Variants in DPH6 observed in about 807,000 individuals in gnomAD.
The protein encoded by DPH6 is diphthine--ammonia ligase.
DPH6 carries 33 observed loss-of-function variants against 38.2 expected under a neutral mutation model. The ratio of observed to expected loss-of-function variants is 0.86; its 90% CI spans 0.65 to 1.15. The LOEUF (loss-of-function observed/expected upper bound fraction) is 1.15, where lower values mean the gene tolerates loss of function less well. DPH6 is among the 50% of genes most tolerant of loss of function. The pLI, the probability that DPH6 is intolerant of heterozygous loss-of-function variation, is 0.00. For missense variants in DPH6, 325 were observed against 320.0 expected, an observed-to-expected ratio of 1.02 and a Z score of -0.12; for synonymous variants, 108 against 103.0, an observed-to-expected ratio of 1.05 and a Z score of -0.30.
the DPH6 span, among the ~76,000 whole-genome samples, chr15:35,150,562 A>T: frequency 6.6e-6 from 1 of 152,204 alleles, no homozygotes; most frequent in East Asian, 1.9e-4. Flanking sequence ...ATACGTCTGG[A>T]AGGCAGAGCT....
intron 3 of DPH6, among the ~76,000 whole-genome samples, chr15:35,477,901 A>G (rs1051769441): frequency 6.6e-6 from 1 of 151,902 alleles, no homozygotes; most frequent in African/African-American, 2.4e-5. Flanking sequence ...GCAGTAAATT[A>G]CCCTGTAGCT....
At chr15:35,393,228 C>A (rs1295845351) in intron 6 of DPH6, among the ~76,000 whole-genome samples, 1 of 152,038 alleles carries the variant, frequency 6.6e-6, no homozygotes, top group African/African-American at 2.4e-5. Context: ...TGGCAAGTAG[C>A]AATGGGGATG....
the DPH6 span, among the ~76,000 whole-genome samples, chr15:35,198,000 T>A: frequency 6.6e-6 from 1 of 152,218 alleles, no homozygotes; most frequent in African/African-American, 2.4e-5. Flanking sequence ...GACTAGGACA[T>A]AAGACCTCAT....
In DPH6 at chr15:35,371,951, T is replaced by G. The variant is rs997815567; in HGVS notation, c.*199A>C. 1.1e-5 allele frequency: 14 copies of G among 1,261,384 alleles called. No homozygotes were observed. Among genetic ancestry groups the G allele is most frequent in the Non-Finnish European group, 1.4e-5 (14 of 997,300 alleles). The allele number at this position is 1,261,384 out of a possible 1,614,324, so 78.1% of individuals were successfully genotyped here. ...AGAGAAAGAGTGAATTCCAAGAAAG[T>G]TGGCACTATTAATGAACATGCCGTC... On this transcript the variant is annotated 3_prime_UTR_variant, in exon 9 of 9. Transcript: ENST00000256538.
At chr15:35,194,316 A>G in the DPH6 span, among the ~76,000 whole-genome samples, 1 of 151,976 alleles carries the variant, frequency 6.6e-6, no homozygotes, top group African/African-American at 2.4e-5. Flanking sequence ...AAAGGAAAAG[A>G]TAATATATGA....
intron 5 of DPH6, among the ~76,000 whole-genome samples, chr15:35,411,911 A>AG (rs2053371823): frequency 6.6e-6 from 1 of 151,710 alleles, no homozygotes; most frequent in Non-Finnish European, 1.5e-5. Flanking sequence ...TAAAACTCCT[A>AG]TAACAGGAAA....
chr15:35,237,101 T>C, intron 3 of DPH6: 1 of 559,524 alleles, frequency 1.8e-6, no homozygotes, highest in Non-Finnish European at 3.2e-6. Flanking sequence ...GTATTGGGTT[T>C]TCCTCTACAA....
chr15:35,224,773 T>G (rs1307115729), intron 3 of DPH6, among the ~76,000 whole-genome samples: 1 of 152,182 alleles, frequency 6.6e-6, no homozygotes, highest in Non-Finnish European at 1.5e-5. Flanking sequence ...CTAATAGGTG[T>G]GTAGTGGATT....
At chr15:35,475,080 G>A (rs932741605) in intron 3 of DPH6, among the ~76,000 whole-genome samples, 3 of 151,732 alleles carry the variant, frequency 2.0e-5, no homozygotes, top group African/African-American at 4.8e-5. Context: ...CTGAACCACC[G>A]CAGACCTAGT....
intron 5 of DPH6, among the ~76,000 whole-genome samples, chr15:35,430,081 A>G (rs948095978): frequency 2.6e-5 from 4 of 152,178 alleles, no homozygotes; most frequent in Non-Finnish European, 5.9e-5. Flanking sequence ...GAAATCATCA[A>G]AAATGATATT....
chr15:35,423,063 T>C lies in DPH6; in HGVS notation c.506-12167A>G, dbSNP rs146394736. ...CTTGGAGATATTGATTTAATTTCCT[T>C]TGGGTATATACTCAGAAGTGTGATT... On this transcript the variant is annotated intron_variant, in intron 5 of 8. Transcript: ENST00000256538. 4.7e-3 allele frequency among the ~76,000 whole-genome samples: 712 copies of C among 152,014 alleles called. 8 individuals carry two copies. Among genetic ancestry groups the C allele is most frequent in the African/African-American group, 0.016 (652 of 41,538 alleles).
At chr15:35,219,906 T>C (rs1566842175) in exon 4 of DPH6, 1 of 152,218 alleles carries the variant, frequency 6.6e-6, no homozygotes. Context: ...TTTAGATAAG[T>C]AATTCAAGTA....
At chr15:35,283,757 T>TAC (rs3028682) in intron 3 of DPH6, among the ~76,000 whole-genome samples, 25,774 of 140,466 alleles carry the variant, frequency 0.18, 2,291 homozygotes, top group Non-Finnish European at 0.22. Flanking sequence ...GCACAGATAG[T>TAC]ACACACACAC....
At chr15:35,184,338 A>G in the DPH6 span, among the ~76,000 whole-genome samples, 3 of 152,184 alleles carry the variant, frequency 2.0e-5, no homozygotes, top group African/African-American at 7.2e-5. Flanking sequence ...AACTCCTTAG[A>G]AGTGCAATTA....
At chr15:35,218,704 G>T (rs376602187) in exon 4 of DPH6, 2 of 151,762 alleles carry the variant, frequency 1.3e-5, no homozygotes, top group Non-Finnish European at 2.9e-5. Context: ...ATTATGAAAC[G>T]TGAGATCTTT....
intron 3 of DPH6, among the ~76,000 whole-genome samples, chr15:35,503,793 T>C (rs557560163): frequency 6.6e-6 from 1 of 152,238 alleles, no homozygotes; most frequent in African/African-American, 2.4e-5. Flanking sequence ...AGGTAGGCTA[T>C]TTTAATCTCC....
intron 3 of DPH6, among the ~76,000 whole-genome samples, chr15:35,290,581 C>T (rs897334175): frequency 6.6e-6 from 1 of 152,198 alleles, no homozygotes; most frequent in Non-Finnish European, 1.5e-5. Context: ...CCAGCCTTAA[C>T]AACCTTTTGT....
intron 3 of DPH6, chr15:35,282,999 A>ATCT (rs58800667): frequency 0.4 from 88,756 of 222,576 alleles, 22,799 homozygotes; most frequent in African/African-American, 0.75. Context: ...TATCATCATC[A>ATCT]TCTTCTTCTT....
chr15:35,430,307 C>T (rs1370640853), intron 5 of DPH6, among the ~76,000 whole-genome samples: 2 of 150,902 alleles, frequency 1.3e-5, no homozygotes, highest in Non-Finnish European at 2.9e-5. Flanking sequence ...TATAAAGTAC[C>T]TATGGTTATT....
Sources: allele counts gnomAD v4.1 joint callset (sites outside exome capture counted in the v4.1 genomes callset), GRCh38; gene constraint gnomAD v4.1.1; transcripts MANE v1.5; gene names NCBI Gene and HGNC (gene_info 2026-07-23, HGNC 2026-07-21).